GRIA4: variants seen among roughly 807,000 people sequenced by gnomAD.
GRIA4 encodes glutamate receptor 4.
GRIA4 carries 34 observed loss-of-function variants against 104.0 expected under a neutral mutation model. The observed-to-expected ratio is 0.33, with a 90% CI of 0.25 to 0.44. The LOEUF (loss-of-function observed/expected upper bound fraction) is 0.44. Among genes scored for constraint, GRIA4 ranks in the 20% least tolerant of loss-of-function variants. The pLI is 1.00. For synonymous variants in GRIA4, 386 were observed against 381.9 expected, an observed-to-expected ratio of 1.01 and a Z score of -0.13; for missense variants, 750 against 1,096.5, an observed-to-expected ratio of 0.68 and a Z score of 4.46.
intron 4 of GRIA4, among the ~76,000 whole-genome samples, chr11:105,827,751 A>G (rs1340872720): frequency 2.0e-5 from 3 of 152,044 alleles, no homozygotes; most frequent in Non-Finnish European, 4.4e-5. Flanking sequence ...TAATGGGGAT[A>G]CCAAATAGGG....
chr11:105,958,260 G>C (rs1252353481), intron 14 of GRIA4, among the ~76,000 whole-genome samples: 4 of 152,090 alleles, frequency 2.6e-5, no homozygotes, highest in Non-Finnish European at 4.4e-5. Context: ...GTCATAAATA[G>C]CTCTTATTAT....
chr11:105,769,979 T>G (rs892394142), intron 4 of GRIA4, among the ~76,000 whole-genome samples: 8 of 152,108 alleles, frequency 5.3e-5, no homozygotes, highest in Non-Finnish European at 7.4e-5. Flanking sequence ...CTCATGGATT[T>G]CTACACCTAC....
intron 3 of GRIA4, among the ~76,000 whole-genome samples, chr11:105,672,595 A>G (rs1302319105): frequency 6.6e-6 from 1 of 152,144 alleles, no homozygotes; most frequent in East Asian, 1.9e-4. Flanking sequence ...TTAACTTTTG[A>G]ATGTAAAACT....
At chr11:105,692,462 G>C (rs1953123890) in intron 3 of GRIA4, among the ~76,000 whole-genome samples, 1 of 152,130 alleles carries the variant, frequency 6.6e-6, no homozygotes, top group African/African-American at 2.4e-5. Context: ...CTTCATTCCT[G>C]TTACTGGAGA....
intron 14 of GRIA4, among the ~76,000 whole-genome samples, chr11:105,951,058 T>C (rs1480563565): frequency 1.3e-5 from 2 of 152,190 alleles, no homozygotes; most frequent in African/African-American, 4.8e-5. Flanking sequence ...GCATAACCTC[T>C]AACCTACATT....
chr11:105,886,336 A>G (rs1300176272), intron 5 of GRIA4, among the ~76,000 whole-genome samples: 2 of 152,214 alleles, frequency 1.3e-5, no homozygotes, highest in Non-Finnish European at 1.5e-5. Flanking sequence ...TTTGTGTTAT[A>G]AACAATCCAA....
At chr11:105,777,864 A>T (rs1438922045) in intron 4 of GRIA4, among the ~76,000 whole-genome samples, 1 of 152,218 alleles carries the variant, frequency 6.6e-6, no homozygotes, top group Non-Finnish European at 1.5e-5. Context: ...TCAGGGTTAC[A>T]TCATAAATAG....
intron 3 of GRIA4, among the ~76,000 whole-genome samples, chr11:105,673,411 G>A (rs947560879): frequency 6.6e-6 from 1 of 152,126 alleles, no homozygotes; most frequent in Non-Finnish European, 1.5e-5. Flanking sequence ...ATAGGGGGAT[G>A]AGCAAAGTGC....
chr11:105,695,287 T>G (rs1032562015), intron 3 of GRIA4, among the ~76,000 whole-genome samples: 1 of 152,204 alleles, frequency 6.6e-6, no homozygotes, highest in Non-Finnish European at 1.5e-5. Context: ...ACAGAGCTTT[T>G]ATATCTTCCA....
intron 6 of GRIA4, among the ~76,000 whole-genome samples, chr11:105,891,092 G>C (rs1946437733): frequency 1.3e-5 from 2 of 152,098 alleles, no homozygotes; most frequent in Non-Finnish European, 2.9e-5. Flanking sequence ...TAAGAAAATT[G>C]CTTCCCTAAT....
chr11:105,910,305 TC>T, intron 9 of GRIA4, 129 bp from the exon 10 acceptor site: 2 of 607,274 alleles, frequency 3.3e-6, no homozygotes, highest in African/African-American at 1.9e-5. Flanking sequence ...TTTTTTTTTT[TC>T]TGTTGGCTTT....
chr11:105,689,903 G>A (rs1220700485), intron 3 of GRIA4, among the ~76,000 whole-genome samples: 1 of 152,138 alleles, frequency 6.6e-6, no homozygotes, highest in Non-Finnish European at 1.5e-5. Context: ...TGGGAAGCAC[G>A]ATTATTTCTT....
At chr11:105,978,590 G>T (rs1440758427) in intron 16 of GRIA4, among the ~76,000 whole-genome samples, 1 of 151,900 alleles carries the variant, frequency 6.6e-6, no homozygotes, top group African/African-American at 2.4e-5. Context: ...AAGCTCCAGG[G>T]CAGAATAAAC....
chr11:105,682,179 T>C (rs930223847), intron 3 of GRIA4, among the ~76,000 whole-genome samples: 1 of 152,210 alleles, frequency 6.6e-6, no homozygotes, highest in African/African-American at 2.4e-5. Context: ...TTACACTCAA[T>C]AAAAATGTGT....
intron 4 of GRIA4, among the ~76,000 whole-genome samples, chr11:105,808,260 A>G (rs1943030012): frequency 6.6e-6 from 1 of 152,002 alleles, no homozygotes; most frequent in Non-Finnish European, 1.5e-5. Context: ...TGGTTGAAAT[A>G]AATTAAAATG....
At chr11:105,954,757 C>T (rs1222960739) in intron 14 of GRIA4, among the ~76,000 whole-genome samples, 2 of 151,640 alleles carry the variant, frequency 1.3e-5, no homozygotes, top group African/African-American at 4.8e-5. Flanking sequence ...CATATGGTAC[C>T]CCAATTTAGA....
chr11:105,875,195 T>C (rs1198910951), intron 5 of GRIA4, among the ~76,000 whole-genome samples: 1 of 152,226 alleles, frequency 6.6e-6, no homozygotes, highest in Non-Finnish European at 1.5e-5. Flanking sequence ...TTATTGGTTC[T>C]GTTTATGTGA....
chr11:105,770,033 T>A (rs996296397), intron 4 of GRIA4, among the ~76,000 whole-genome samples: 2 of 152,100 alleles, frequency 1.3e-5, no homozygotes, highest in Non-Finnish European at 2.9e-5. Flanking sequence ...ACAAGATCAA[T>A]GCTACATTTT....
Position 105,878,321 on chromosome 11 carries a change from C to A in GRIA4, c.673-9198C>A, listed in dbSNP as rs549178115. Among the ~76,000 whole-genome samples, 11 of 152,294 alleles carry A rather than the reference C, an allele frequency of 7.2e-5. No individual in the cohort carries two copies. The East Asian group carries it at 2.1e-3, about 30-fold the overall frequency. On this transcript the variant is annotated intron_variant, in intron 5 of 16. Coordinates refer to ENST00000282499, the MANE Select transcript of GRIA4 (RefSeq NM_000829.4). ...CAAAGGGGCACCCGCCAGATGCCAACTGGAGCTCTCCTGTATGAGGTGTCT... is the reference window on the plus strand; with the variant it reads ...CAAAGGGGCACCCGCCAGATGCCAAATGGAGCTCTCCTGTATGAGGTGTCT...
Sources: gnomAD v4.1 joint callset for allele counts (sites outside exome capture counted in the v4.1 genomes callset) on GRCh38, gnomAD v4.1.1 for gene constraint, MANE v1.5 for transcripts, NCBI Gene and HGNC (gene_info 2026-07-23, HGNC 2026-07-21) for gene names.